Variants in SZT2 observed in about 807,000 individuals in gnomAD.
SZT2 encodes the protein SZT2 subunit of KICSTOR complex.
In SZT2, 216 loss-of-function variants were observed where a neutral mutation model predicts 404.2. The ratio of observed to expected loss-of-function variants is 0.53; its 90% CI spans 0.48 to 0.60. SZT2 has a LOEUF of 0.60. SZT2 is among the 20% of genes least tolerant of loss of function. The pLI, the probability that SZT2 is intolerant of heterozygous loss-of-function variation, is 0.00. For missense variants in SZT2, 3,857 were observed against 4,459.2 expected, an observed-to-expected ratio of 0.86 and a Z score of 3.85; for synonymous variants, 1,693 against 1,749.9, an observed-to-expected ratio of 0.97 and a Z score of 0.81.
At chr1:43,417,750 T>C (rs1651876139) in intron 7 of SZT2, among the ~76,000 whole-genome samples, 1 of 152,186 alleles carries the variant, frequency 6.6e-6, no homozygotes, top group African/African-American at 2.4e-5. Flanking sequence ...GATCCTGATA[T>C]TCAGGAGACA....
Position 43,424,842 on chromosome 1 carries a change from G to T in SZT2, c.2530G>T (p.Val844Phe). The T allele has an allele frequency of 1.2e-6, 2 of 1,614,028 alleles. No homozygotes were observed. Among genetic ancestry groups the T allele is most frequent in the Non-Finnish European group, 1.7e-6 (2 of 1,179,936 alleles). The change falls in exon 17 of 72, where the codon GTT (valine) becomes TTT (phenylalanine). Residue 844 changes from valine to phenylalanine, a missense_variant. By Grantham distance (50) the Val-to-Phe change is conservative. Around this residue, in one of 7 missense-constraint regions of SZT2, gnomAD observed 1,725 missense variants for 1,881.0 expected, o/e 0.92. Transcript: ENST00000634258. This position sits in a 1 kb window ranked among gnomAD's most constrained non-coding sequence, Gnocchi z 4.1. ...CAGTGGGGAAGGAATCATCAACATGGTTCTGGAGCTTCCAATTCAGGTACG... is the reference window on the plus strand; with the variant it reads ...CAGTGGGGAAGGAATCATCAACATGTTTCTGGAGCTTCCAATTCAGGTACG... ...ACSGEGIINM[V>F]LELPIQNEPP...
Position 43,425,814 on chromosome 1 carries a change from C to A in SZT2, c.2815-21C>A. 1 of 1,610,666 alleles carries A rather than the reference C, an allele frequency of 6.2e-7. No homozygotes were observed. The highest frequency in any genetic ancestry group is 1.1e-5 in the South Asian group (1 of 91,030). On this transcript the variant is annotated intron_variant, in intron 19 of 71. Coordinates refer to ENST00000634258, the MANE Select transcript of SZT2 (RefSeq NM_001365999.1). The surrounding 1 kb of genome is among the most constrained non-coding windows in gnomAD (Gnocchi z 4.3). The stretch of plus-strand genomic sequence containing the variant: ...TGGGCTAAGAGGGGTTGACTCCTGA[C>A]CTCTGATGTTCTTCCTGTAGCTCCA...
At chr1:43,440,327 A>C in intron 51 of SZT2, 126 bp from the exon 52 acceptor site, 1 of 1,374,834 alleles carries the variant, frequency 7.3e-7, no homozygotes, top group Non-Finnish European at 9.9e-7. Context: ...TATCAGTTGT[A>C]TATACTGTCA....
chr1:43,430,437 C>G (rs771881811), intron 31 of SZT2, 48 bp downstream of exon 31: 1 of 1,602,816 alleles, frequency 6.2e-7, no homozygotes, highest in East Asian at 2.2e-5. Flanking sequence ...TGCTTCACGC[C>G]GAGATTCAAG....
chr1:43,443,536 C>G, intron 61 of SZT2, 59 bp downstream of exon 61: 1 of 1,613,408 alleles, frequency 6.2e-7, no homozygotes, highest in South Asian at 1.1e-5. Flanking sequence ...GACCCCCCTC[C>G]TCCATCCCCA....
chr1:43,399,517 A>G (rs1456565555), intron 1 of SZT2, among the ~76,000 whole-genome samples: 2 of 142,938 alleles, frequency 1.4e-5, no homozygotes, highest in African/African-American at 2.7e-5. Flanking sequence ...GCTGGAGTGC[A>G]GTGGCGTGAT....
At position 43,420,822 on chromosome 1, in the gene SZT2, A is replaced by T. The variant is rs377411973; in HGVS notation, c.1335A>T (p.Ala445=). 2.1e-4 allele frequency: 341 copies of T among 1,598,406 alleles called. No individual in the cohort carries two copies. Among genetic ancestry groups the T allele is most frequent in the South Asian group, 9.6e-4 (87 of 91,082 alleles). ...TGCGCATTGAGTATGTGGCTATGGCACCCTGGCCCCTGGAGCCTGAGGGCC... is the reference window on the plus strand; with the variant it reads ...TGCGCATTGAGTATGTGGCTATGGCTCCCTGGCCCCTGGAGCCTGAGGGCC... ...HNMRIEYVAM[A]PWPLEPEGPR... Residue 445 remains alanine, a synonymous_variant, in exon 10 of 72, where the codon GCA becomes GCT. Transcript: ENST00000634258. The surrounding 1 kb of genome is among the most constrained non-coding windows in gnomAD (Gnocchi z 5.1).
Position 43,453,240 on chromosome 1 carries a change from G to A in SZT2, c.*2760G>A, listed in dbSNP as rs1019906772. 4 of 647,000 alleles carry A rather than the reference G, an allele frequency of 6.2e-6. No homozygotes were observed. The highest frequency in any genetic ancestry group is 1.1e-5 in the Non-Finnish European group (4 of 372,722). The allele number at this position is 647,000 out of a possible 1,614,324, so 40.1% of individuals were successfully genotyped here. A position where few individuals can be genotyped will look rare whatever the true frequency, so the allele number is the denominator to read the frequency against. The stretch of plus-strand genomic sequence containing the variant: ...GCATAAGACAGATAAAATACAAAAG[G>A]CAATTTACAAAGGACCAGGACCGCA... On this transcript the variant is annotated 3_prime_UTR_variant, in exon 72 of 72. Transcript: ENST00000634258.
rs906719649 is a variant in SZT2, at chr1:43,431,383, A to G, written c.5024+11A>G. Reference sequence around the variant, plus strand: ...CCCAGAAGAGGAGAGGTACTTCTTTATCTCCCTGTCAGAGTTCATTACTGC... The same window carrying G: ...CCCAGAAGAGGAGAGGTACTTCTTTGTCTCCCTGTCAGAGTTCATTACTGC... On this transcript the variant is annotated intron_variant, in intron 34 of 71. Transcript: ENST00000634258. 1.2e-6 allele frequency: 2 copies of G among 1,611,762 alleles called. No homozygotes were observed. Among genetic ancestry groups the G allele is most frequent in the African/African-American group, 2.7e-5 (2 of 74,814 alleles).
intron 66 of SZT2, 104 bp downstream of exon 66, chr1:43,447,272 TGTTAATCATCTCATGTC>T (rs1474417973): frequency 7.6e-7 from 1 of 1,311,738 alleles, no homozygotes; most frequent in Non-Finnish European, 1.0e-6. Flanking sequence ...GGTCCCATGT[TGTTAATCATCTCATGTC>T]ACACATACCA....
rs879158479 is a variant in SZT2, at chr1:43,416,249, A to C, written c.772+148A>C. 9.4e-5 allele frequency: 100 copies of C among 1,066,212 alleles called. 1 individual carries two copies. The South Asian group carries it at 1.6e-3, about 17-fold the overall frequency. The allele number at this position is 1,066,212 out of a possible 1,614,324, so 66.0% of individuals were successfully genotyped here. On this transcript the variant is annotated intron_variant, in intron 6 of 71. Coordinates refer to ENST00000634258, the MANE Select transcript of SZT2 (RefSeq NM_001365999.1). ...TGTTTGCAAAATGTAAGTCTGTATTAGTGTGTATCAGGAACCCTCGACTCT... is the reference window on the plus strand; with the variant it reads ...TGTTTGCAAAATGTAAGTCTGTATTCGTGTGTATCAGGAACCCTCGACTCT...
At chr1:43,445,795 T>C in intron 62 of SZT2, 99 bp from the exon 63 acceptor site, 1 of 1,227,382 alleles carries the variant, frequency 8.1e-7, no homozygotes, top group Non-Finnish European at 1.2e-6. Flanking sequence ...GTTTCCTCCC[T>C]TGCAAAATGA....
rs1251603135 is a variant in SZT2 at position 43,426,094 on chromosome 1, A to G, written c.2986A>G (p.Met996Val). 1.9e-6 allele frequency: 3 copies of G among 1,614,006 alleles called. No individual in the cohort carries two copies. Among genetic ancestry groups the G allele is most frequent in the Non-Finnish European group, 2.5e-6 (3 of 1,179,976 alleles). ...VHEIPFHFDL[M>V]GLLPQCQQLQ... ...TGAGATCCCTTTCCATTTTGACCTA[A>G]TGGGATTGCTGCCACAGTGCCAGCA... Residue 996 changes from methionine (M) to valine (V), a missense_variant, in exon 21 of 72, where the codon ATG becomes GTG. Met to Val is a conservative substitution (Grantham distance 21, BLOSUM62 1). Around this residue, in one of 7 missense-constraint regions of SZT2, gnomAD observed 1,725 missense variants for 1,881.0 expected, o/e 0.92. Coordinates refer to ENST00000634258, the MANE Select transcript of SZT2 (RefSeq NM_001365999.1). This position sits in a 1 kb window ranked among gnomAD's most constrained non-coding sequence, Gnocchi z 4.9.
rs556957902 is a variant in SZT2 at position 43,443,049 on chromosome 1, A to C, written c.8382A>C (p.Gly2794=). 6 of 1,613,492 alleles carry C rather than the reference A, an allele frequency of 3.7e-6. No individual in the cohort carries two copies. The South Asian group carries it at 5.5e-5, about 15-fold the overall frequency. The change falls in exon 59 of 72, where the codon GGA becomes GGC. Residue 2794 remains glycine (G), a synonymous_variant. Transcript: ENST00000634258. ...CTCCTGATCCTGTCACCTACCATGG[A>C]CAACAGTTCCTAGAGATCAAGATGG... ...PRPPDPVTYH[G]QQFLEIKMAE...
rs1299081758 is a variant in SZT2 at position 43,426,406 on chromosome 1, G to C, written c.3082G>C (p.Ala1028Pro). ...CCCTTTCGCCGAGGGGTCCTGTCCTGCCAACGACATGGTGCTGTGCCTGCT... is the reference window on the plus strand; with the variant it reads ...CCCTTTCGCCGAGGGGTCCTGTCCTCCCAACGACATGGTGCTGTGCCTGCT... ...GVPFAEGSCPANDMVLCLLHS... is the reference protein window; with the variant it reads ...GVPFAEGSCPPNDMVLCLLHS... Residue 1028 changes from alanine to proline, a missense_variant, in exon 22 of 72, where the codon GCC (alanine) becomes CCC (proline). Physicochemically the swap from Ala to Pro is conservative, Grantham distance 27. This residue lies in a region of SZT2 where 1,725 missense variants were observed against 1,881.0 expected (regional missense o/e 0.92). Coordinates refer to ENST00000634258, the MANE Select transcript of SZT2 (RefSeq NM_001365999.1). This position sits in a 1 kb window ranked among gnomAD's most constrained non-coding sequence, Gnocchi z 4.9. 2 of 1,587,624 alleles carry C rather than the reference G, an allele frequency of 1.3e-6. No individual in the cohort carries two copies. The highest frequency in any genetic ancestry group is 1.7e-6 in the Non-Finnish European group (2 of 1,174,310).
chr1:43,440,098 G>A lies in SZT2; in HGVS notation c.7210+50G>A, dbSNP rs374008172. The A allele has an allele frequency of 3.1e-6, 5 of 1,609,272 alleles. No individual in the cohort carries two copies. In the African/African-American group the frequency reaches 6.7e-5, roughly 22 times the overall value. On this transcript the variant is annotated intron_variant, in intron 51 of 71. Transcript: ENST00000634258. The stretch of plus-strand genomic sequence containing the variant: ...GGTCCAGAGAATGTCACAGATCCAA[G>A]CAGGACAGTGTGGCAGGTGAGCGTG...
rs1223975818 is a variant in SZT2, at chr1:43,453,758, C to T, written c.*3278C>T. On this transcript the variant is annotated 3_prime_UTR_variant, in exon 72 of 72. Transcript: ENST00000634258. ...GGAGGCCGGAGAGCTCGGGGAATAG[C>T]CAGGACAGATTGGCGGAGAAGCGCA... is the stretch of plus-strand genomic sequence containing the variant. 7.5e-7 allele frequency: 1 copy of T among 1,326,852 alleles called. No homozygotes were observed. Among genetic ancestry groups the T allele is most frequent in the Non-Finnish European group, 9.6e-7 (1 of 1,045,844 alleles). The allele number at this position is 1,326,852 out of a possible 1,614,324, so 82.2% of individuals were successfully genotyped here. A position where few individuals can be genotyped will look rare whatever the true frequency, so the allele number is the denominator to read the frequency against.
rs1397762584 is a variant in SZT2, at chr1:43,452,888, C to G, written c.*2408C>G. Reference sequence around the variant, plus strand: ...GCAGACATTCCAGGCCTCCCCATCCCAACAGGCTACATACATGTCCAGCCT... The same window carrying G: ...GCAGACATTCCAGGCCTCCCCATCCGAACAGGCTACATACATGTCCAGCCT... On this transcript the variant is annotated 3_prime_UTR_variant, in exon 72 of 72. Coordinates refer to ENST00000634258, the MANE Select transcript of SZT2 (RefSeq NM_001365999.1). 2.5e-6 allele frequency: 4 copies of G among 1,588,730 alleles called. 1 individual carries two copies. In the South Asian group the frequency reaches 3.5e-5, roughly 14 times the overall value.
intron 28 of SZT2, 196 bp from the exon 29 acceptor site, chr1:43,429,503 GAAAA>G (rs544150733): frequency 2.9e-4 from 178 of 604,262 alleles, no homozygotes; most frequent in Middle Eastern, 2.5e-3. Context: ...AAAAAGGAAA[GAAAA>G]AAGAAAAAGA....
Sources: gnomAD v4.1 joint callset for allele counts (sites outside exome capture counted in the v4.1 genomes callset) on GRCh38, gnomAD v4.1.1 for gene constraint, gnomAD v4.1.1 regional missense constraint, Gnocchi (gnomAD v3.1) non-coding constraint, MANE v1.5 for transcripts, NCBI Gene and HGNC (gene_info 2026-07-23, HGNC 2026-07-21) for gene names.